The following WFDC1 variants were observed in gnomAD, a reference collection of about 807,000 sequenced individuals.
WFDC1 encodes WAP four-disulfide core domain protein 1.
A neutral mutation model predicts 32.9 loss-of-function variants in WFDC1; 39 were observed. The observed-to-expected ratio is 1.19, with a 90% CI of 0.92 to 1.55. WFDC1 has a LOEUF of 1.55. Among genes scored for constraint, WFDC1 ranks in the 40% most tolerant of loss-of-function variants. WFDC1 has a pLI of 0.00. For synonymous variants in WFDC1, 184 were observed against 137.4 expected (o/e 1.34, Z -2.37); for missense variants, 386 against 309.5 (o/e 1.25, Z -1.85).
intron 2 of WFDC1, among the ~76,000 whole-genome samples, chr16:84,315,187 A>G (rs1446314244): frequency 6.6e-6 from 1 of 152,162 alleles, no homozygotes; most frequent in East Asian, 1.9e-4. Flanking sequence ...TCCCCCAGAC[A>G]TCCCATGGCT....
intron 3 of WFDC1, 176 bp from the exon 4 acceptor site, chr16:84,319,255 A>G (rs1057133998): frequency 1.2e-5 from 9 of 745,422 alleles, no homozygotes; most frequent in Admixed American, 1.2e-4. Context: ...CGTGTGCCAC[A>G]TGCCGCTGAG....
chr16:84,306,345 T>C (rs1275845583), intron 1 of WFDC1, among the ~76,000 whole-genome samples: 1 of 152,180 alleles, frequency 6.6e-6, no homozygotes, highest in African/African-American at 2.4e-5. Context: ...ATATGGCTCC[T>C]AAGTTCTTGC....
chr16:84,314,244 G>A (rs1256324074), intron 2 of WFDC1, among the ~76,000 whole-genome samples: 2 of 152,138 alleles, frequency 1.3e-5, no homozygotes, highest in Non-Finnish European at 2.9e-5. Flanking sequence ...TTGAAGAGAA[G>A]GTTTGGGAAG....
At chr16:84,320,976 A>G (rs907029564) in intron 4 of WFDC1, among the ~76,000 whole-genome samples, 1 of 152,226 alleles carries the variant, frequency 6.6e-6, no homozygotes, top group Admixed American at 6.5e-5. Flanking sequence ...AAAGTGATGC[A>G]AATCCCGGAA....
chr16:84,304,320 C>A (rs1468597325), intron 1 of WFDC1, among the ~76,000 whole-genome samples: 1 of 152,212 alleles, frequency 6.6e-6, no homozygotes. Flanking sequence ...CTTCTGCCTG[C>A]GTGGTTCAAA....
At chr16:84,325,924 T>G (rs1597697663) in intron 5 of WFDC1, 1 of 150,754 alleles carries the variant, frequency 6.6e-6, no homozygotes, top group East Asian at 2.0e-4. Flanking sequence ...CTATCTCTTC[T>G]TTCATCCATT....
At chr16:84,326,818 C>A (rs2151381278) in intron 5 of WFDC1, 64 bp from the exon 6 acceptor site, 1 of 1,596,704 alleles carries the variant, frequency 6.3e-7, no homozygotes. Context: ...TCCTGGTGAG[C>A]CACGGGGGGC....
chr16:84,301,829 C>A (rs1450398876), intron 1 of WFDC1, among the ~76,000 whole-genome samples: 1 of 152,158 alleles, frequency 6.6e-6, no homozygotes, highest in Non-Finnish European at 1.5e-5. Flanking sequence ...GACTGAGATT[C>A]CTCATCTGAG....
intron 2 of WFDC1, among the ~76,000 whole-genome samples, chr16:84,315,032 C>A (rs1294348136): frequency 6.6e-6 from 1 of 152,250 alleles, no homozygotes; most frequent in South Asian, 2.1e-4. Flanking sequence ...TGCCCAAGGT[C>A]ACACAGCAGG....
chr16:84,313,081 T>C lies in WFDC1; in HGVS notation c.265T>C (p.Cys89Arg). 2.1e-6 allele frequency: 3 copies of C among 1,423,878 alleles called. No individual in the cohort carries two copies. Among genetic ancestry groups the C allele is most frequent in the Non-Finnish European group, 2.7e-6 (3 of 1,094,062 alleles). 88.2% of individuals were successfully genotyped at this position (1,423,878 alleles called of 1,614,324 possible). A position where few individuals can be genotyped will look rare whatever the true frequency, so the allele number is the denominator to read the frequency against. ...QAARCQADSE[C>R]PRHRRCCYNG... ...CGCGCGCTGTCAGGCGGACTCCGAG[T>C]GCCCGCGGCACCGGCGCTGCTGCTA... is the stretch of plus-strand genomic sequence containing the variant. Residue 89 changes from cysteine to arginine, a missense_variant, in exon 2 of 7, where the codon TGC (cysteine) becomes CGC (arginine). Coordinates refer to ENST00000219454, the MANE Select transcript of WFDC1 (RefSeq NM_021197.4).
intron 1 of WFDC1, among the ~76,000 whole-genome samples, chr16:84,299,894 G>C (rs1232558043): frequency 6.6e-6 from 1 of 151,536 alleles, no homozygotes; most frequent in Admixed American, 6.5e-5. Context: ...CAGACGGGGG[G>C]AGGGAGGGGA....
intron 1 of WFDC1, among the ~76,000 whole-genome samples, chr16:84,307,527 G>C (rs1036986363): frequency 6.6e-6 from 1 of 151,974 alleles, no homozygotes; most frequent in Non-Finnish European, 1.5e-5. Flanking sequence ...CTGAGACGGC[G>C]GCACAGCTCA....
chr16:84,312,975 C>CGCGCCCGGCG lies in WFDC1; in HGVS notation c.162_171dup (p.Pro58AlafsTer82). ...TCTCCCCGCAGGCCGAGGAGGCGGG[C>CGCGCCCGGCG]GCGCCCGGCGGCCCCCGGCAGCCCC... On this transcript the variant is annotated frameshift_variant, in exon 2 of 7. Transcript: ENST00000219454. LOFTEE classifies it high-confidence loss of function. 2 of 1,165,494 alleles carry CGCGCCCGGCG rather than the reference C, an allele frequency of 1.7e-6. No individual in the cohort carries two copies. Among genetic ancestry groups the CGCGCCCGGCG allele is most frequent in the South Asian group, 4.2e-5 (1 of 23,724 alleles). 72.2% of individuals were successfully genotyped at this position (1,165,494 alleles called of 1,614,324 possible).
At position 84,311,315 on chromosome 16, in the gene WFDC1, G is replaced by A. The variant is rs189325573; in HGVS notation, c.145-1646G>A. Among the ~76,000 whole-genome samples, 34 of 151,058 alleles carry A rather than the reference G, an allele frequency of 2.3e-4. No homozygotes were observed. The East Asian group carries it at 6.2e-3, about 28-fold the overall frequency. On this transcript the variant is annotated intron_variant, in intron 1 of 6. Coordinates refer to ENST00000219454, the MANE Select transcript of WFDC1 (RefSeq NM_021197.4). ...CCTGGAGTGCAATGGCTCGATCTTG[G>A]CTCACTGCAAGCTCCGACTCCCAGG...
chr16:84,316,884 A>C (rs1350410967), intron 2 of WFDC1: 1 of 152,156 alleles, frequency 6.6e-6, no homozygotes, highest in Admixed American at 6.5e-5. Context: ...AGACTGAGGC[A>C]GGAGACTCGC....
At chr16:84,318,599 G>T (rs539709609) in intron 3 of WFDC1, 5 of 434,730 alleles carry the variant, frequency 1.2e-5, no homozygotes, top group African/African-American at 9.8e-5. Context: ...GCCTCCTCCT[G>T]GATGGAGAAT....
At chr16:84,325,230 T>G (rs971063775) in intron 5 of WFDC1, among the ~76,000 whole-genome samples, 1 of 145,942 alleles carries the variant, frequency 6.9e-6, no homozygotes, top group South Asian at 2.2e-4. Flanking sequence ...TGAGATGGAG[T>G]CTCACTCTGT....
chr16:84,295,122 G>A lies in WFDC1; in HGVS notation c.144+7G>A. On this transcript the variant is annotated splice_region_variant and intron_variant, in intron 1 of 6. Coordinates refer to ENST00000219454, the MANE Select transcript of WFDC1 (RefSeq NM_021197.4). ...GCTGGCCGAGAAATCCCGTGTAAGT[G>A]CCTGGGATGGGGAGGCTGGGGCAGC... 1.9e-6 allele frequency: 3 copies of A among 1,613,366 alleles called. No homozygotes were observed. Among genetic ancestry groups the A allele is most frequent in the Non-Finnish European group, 2.5e-6 (3 of 1,179,636 alleles).
chr16:84,312,270 C>A (rs901107658), intron 1 of WFDC1, among the ~76,000 whole-genome samples: 1 of 152,156 alleles, frequency 6.6e-6, no homozygotes, highest in African/African-American at 2.4e-5. Context: ...GTAACCAGCC[C>A]CCAGACCAAG....
Sources: gnomAD v4.1 joint callset for allele counts (sites outside exome capture counted in the v4.1 genomes callset) on GRCh38, gnomAD v4.1.1 for gene constraint, MANE v1.5 for transcripts, NCBI Gene and HGNC (gene_info 2026-07-23, HGNC 2026-07-21) for gene names.